The following DPP10 variants were observed in gnomAD, a reference collection of about 807,000 sequenced individuals.
DPP10 encodes the protein inactive dipeptidyl peptidase 10.
Under a neutral mutation model 120.9 loss-of-function variants are expected in DPP10, and 33 were observed. That is an observed-to-expected ratio of 0.27 (90% CI 0.21 to 0.37). The LOEUF (loss-of-function observed/expected upper bound fraction) is 0.37, where lower values mean the gene tolerates loss of function less well. DPP10 is among the 10% of genes least tolerant of loss of function. The probability of loss-of-function intolerance (pLI) is 1.00; values close to 1 mark genes in which losing one functional copy is unlikely to be tolerated. For synonymous variants in DPP10, 337 were observed against 326.1 expected (o/e 1.03, Z -0.36); for missense variants, 816 against 942.8 (o/e 0.87, Z 1.76).
At chr2:115,452,475 C>T (rs1044819173) in intron 3 of DPP10, among the ~76,000 whole-genome samples, 3 of 151,786 alleles carry the variant, frequency 2.0e-5, no homozygotes, top group African/African-American at 4.8e-5. Context: ...CTTGTGACTG[C>T]CTTCTGGGTA....
rs1196282593 is a variant in DPP10, at chr2:114,544,607, G to A, written c.60+101769G>A. ...ATAGACCACTAATTACAGAAAATAA[G>A]AGTCATTGGGGGGACTCAAATTTGT... On this transcript the variant is annotated intron_variant, in intron 1 of 25. Transcript: ENST00000410059. Among the ~76,000 whole-genome samples the A allele has an allele frequency of 3.3e-5, 5 of 152,044 alleles. No individual in the cohort carries two copies. In the East Asian group the frequency reaches 9.6e-4, roughly 29 times the overall value.
intron 1 of DPP10, among the ~76,000 whole-genome samples, chr2:114,947,393 T>A (rs1394729659): frequency 1.3e-5 from 2 of 151,890 alleles, no homozygotes; most frequent in Non-Finnish European, 2.9e-5. Flanking sequence ...GTTTTTTTTT[T>A]AATTGATCAT....
intron 1 of DPP10, among the ~76,000 whole-genome samples, chr2:114,911,946 G>A (rs960242626): frequency 6.6e-6 from 1 of 152,176 alleles, no homozygotes; most frequent in Non-Finnish European, 1.5e-5. Flanking sequence ...CGAGGCTCCA[G>A]GGGAAATATT....
chr2:114,623,590 G>A (rs1694265998), intron 1 of DPP10, among the ~76,000 whole-genome samples: 1 of 151,950 alleles, frequency 6.6e-6, no homozygotes, highest in South Asian at 2.1e-4. Flanking sequence ...CAAAAAGGTG[G>A]CAGCAATTTT....
At chr2:115,630,819 G>C (rs1027184085) in intron 5 of DPP10, among the ~76,000 whole-genome samples, 1 of 152,048 alleles carries the variant, frequency 6.6e-6, no homozygotes, top group African/African-American at 2.4e-5. Flanking sequence ...ATTTTGTTGA[G>C]GATTTTTGCA....
chr2:115,803,099 A>G (rs1481929570), intron 19 of DPP10, among the ~76,000 whole-genome samples: 1 of 152,210 alleles, frequency 6.6e-6, no homozygotes, highest in Non-Finnish European at 1.5e-5. Context: ...GACTTGCTTT[A>G]TGAATCTGGG....
At chr2:115,259,496 AAAG>A (rs1487660984) in intron 1 of DPP10, among the ~76,000 whole-genome samples, 2 of 151,688 alleles carry the variant, frequency 1.3e-5, no homozygotes, top group Non-Finnish European at 2.9e-5. Flanking sequence ...AAAAAAAAAA[AAAG>A]AAAGAAAGAA....
chr2:115,330,345 G>A (rs1369428731), intron 2 of DPP10, among the ~76,000 whole-genome samples: 25 of 151,884 alleles, frequency 1.6e-4, no homozygotes, highest in Non-Finnish European at 2.8e-4. Context: ...CCCTTTGTCA[G>A]ATGAGTAGAT....
At chr2:114,777,067 A>G (rs1183895743) in intron 1 of DPP10, among the ~76,000 whole-genome samples, 1 of 152,192 alleles carries the variant, frequency 6.6e-6, no homozygotes, top group South Asian at 2.1e-4. Flanking sequence ...CAATTATTGG[A>G]CTAAAAGCAG....
At chr2:115,656,364 T>G (rs1354519720) in intron 5 of DPP10, among the ~76,000 whole-genome samples, 1 of 151,654 alleles carries the variant, frequency 6.6e-6, no homozygotes, top group Non-Finnish European at 1.5e-5. Context: ...TAGTTTTTCT[T>G]AGGCTCAAAT....
chr2:115,773,313 A>G (rs989160532), intron 13 of DPP10, among the ~76,000 whole-genome samples: 1 of 152,152 alleles, frequency 6.6e-6, no homozygotes, highest in Non-Finnish European at 1.5e-5. Flanking sequence ...TTGATACCCA[A>G]TGTGTTTCCA....
chr2:115,538,218 A>G (rs1034586897), intron 5 of DPP10, among the ~76,000 whole-genome samples: 2 of 152,034 alleles, frequency 1.3e-5, no homozygotes, highest in Non-Finnish European at 2.9e-5. Flanking sequence ...GAAGACTTGG[A>G]AAATGCCTCA....
chr2:115,766,342 A>G (rs1388060759), intron 12 of DPP10, among the ~76,000 whole-genome samples: 7 of 130,100 alleles, frequency 5.4e-5, no homozygotes, highest in Middle Eastern at 4.1e-3. Context: ...ATATATGTAT[A>G]TATATATATA....
At chr2:115,344,449 A>G (rs1574498607) in intron 3 of DPP10, among the ~76,000 whole-genome samples, 1 of 152,084 alleles carries the variant, frequency 6.6e-6, no homozygotes, top group East Asian at 1.9e-4. Flanking sequence ...TTCAGATTTG[A>G]CAATATGATT....
chr2:114,948,226 A>T (rs929836433), intron 1 of DPP10, among the ~76,000 whole-genome samples: 1 of 151,984 alleles, frequency 6.6e-6, no homozygotes, highest in Admixed American at 6.6e-5. Flanking sequence ...TGACAGTTCA[A>T]TCCTTCAATT....
intron 1 of DPP10, among the ~76,000 whole-genome samples, chr2:115,104,741 C>T (rs1276711931): frequency 6.6e-6 from 1 of 152,202 alleles, no homozygotes; most frequent in African/African-American, 2.4e-5. Context: ...GGCGCGGTGG[C>T]TCATGCCTAT....
At chr2:114,837,940 G>A (rs1457178741) in intron 1 of DPP10, among the ~76,000 whole-genome samples, 3 of 152,186 alleles carry the variant, frequency 2.0e-5, no homozygotes, top group African/African-American at 7.2e-5. Context: ...AAGCTATGCT[G>A]TGGAAGAAAA....
intron 7 of DPP10, among the ~76,000 whole-genome samples, chr2:115,692,822 C>A (rs2091389670): frequency 1.3e-5 from 2 of 151,962 alleles, no homozygotes; most frequent in South Asian, 4.2e-4. Flanking sequence ...GATTTATATC[C>A]TATTTTATAA....
chr2:114,991,861 A>G (rs967144872), intron 1 of DPP10, among the ~76,000 whole-genome samples: 5 of 152,338 alleles, frequency 3.3e-5, no homozygotes, highest in African/African-American at 1.2e-4. Flanking sequence ...ATATCCACAT[A>G]TGCTCATGTC....
Sources: gnomAD v4.1 joint callset for allele counts (sites outside exome capture counted in the v4.1 genomes callset) on GRCh38, gnomAD v4.1.1 for gene constraint, MANE v1.5 for transcripts, NCBI Gene and HGNC (gene_info 2026-07-23, HGNC 2026-07-21) for gene names.